Variants in ABCB1 observed in about 807,000 individuals in gnomAD.
ABCB1 encodes ATP-dependent translocase ABCB1.
In ABCB1, 69 loss-of-function variants were observed where a neutral mutation model predicts 142.0. The observed-to-expected ratio is 0.49, with a 90% CI of 0.40 to 0.59. ABCB1 has a LOEUF of 0.59. Among genes scored for constraint, ABCB1 ranks in the 20% least tolerant of loss-of-function variants. ABCB1 has a pLI of 0.00. For missense variants in ABCB1, 1,326 were observed against 1,554.7 expected (o/e 0.85, Z 2.47); for synonymous variants, 532 against 539.2 (o/e 0.99, Z 0.18).
At position 87,626,453 on chromosome 7, in the gene ABCB1, A is replaced by G. The variant is rs575353058; in HGVS notation, c.-330-25375T>C. ...TGTATGTGTCATATATGTGTCATAT[A>G]TATGTGTCATATATGTGTCATATAT... On this transcript the variant is annotated intron_variant, in intron 1 of 28. Transcript: ENST00000265724. 9.9e-3 allele frequency among the ~76,000 whole-genome samples: 176 copies of G among 17,814 alleles called. 51 individuals are homozygous for G. Among genetic ancestry groups the G allele is most frequent in the Non-Finnish European group, 0.011 (138 of 12,984 alleles). 11.7% of individuals were successfully genotyped at this position (17,814 alleles called of 152,430 possible).
intron 4 of ABCB1, among the ~76,000 whole-genome samples, chr7:87,578,807 C>T (rs1400885662): frequency 6.6e-6 from 1 of 151,216 alleles, no homozygotes; most frequent in Non-Finnish European, 1.5e-5. Context: ...CATTCTCCTG[C>T]CTCAGCCTCC....
upstream of ABCB1, among the ~76,000 whole-genome samples, chr7:87,603,643 A>T (rs1358034620): frequency 6.6e-6 from 1 of 152,230 alleles, no homozygotes; most frequent in African/African-American, 2.4e-5. Context: ...GGCTTCTCAG[A>T]TGATATGTGC....
chr7:87,521,534 G>GGTT (rs1184498296), intron 21 of ABCB1: 1 of 757,500 alleles, frequency 1.3e-6, no homozygotes, highest in Non-Finnish European at 2.4e-6. Flanking sequence ...GCTCTACATT[G>GGTT]GTTGACCAAT....
At chr7:87,691,684 T>C (rs1242331094) in intron 1 of ABCB1, among the ~76,000 whole-genome samples, 2 of 152,162 alleles carry the variant, frequency 1.3e-5, no homozygotes, top group Admixed American at 6.6e-5. Flanking sequence ...ATATAAAAAA[T>C]ATTTATATTC....
intron 1 of ABCB1, among the ~76,000 whole-genome samples, chr7:87,707,841 C>T (rs1829747032): frequency 6.6e-6 from 1 of 151,916 alleles, no homozygotes; most frequent in South Asian, 2.1e-4. Context: ...TCTCTAACCA[C>T]AGTGGAATTA....
At chr7:87,520,634 A>G in intron 22 of ABCB1, 142 bp downstream of exon 22, 1 of 751,774 alleles carries the variant, frequency 1.3e-6, no homozygotes, top group Non-Finnish European at 2.3e-6. Context: ...CTCCTGCATA[A>G]TTACAACTGT....
At chr7:87,615,287 G>T (rs942555467) in intron 1 of ABCB1, among the ~76,000 whole-genome samples, 2 of 152,174 alleles carry the variant, frequency 1.3e-5, no homozygotes, top group Non-Finnish European at 2.9e-5. Context: ...TCAATTAATG[G>T]ATAAATAAGG....
intron 3 of ABCB1, among the ~76,000 whole-genome samples, chr7:87,586,563 G>T (rs539341456): frequency 6.6e-6 from 1 of 152,260 alleles, no homozygotes; most frequent in South Asian, 2.1e-4. Flanking sequence ...TGTAGCTGTA[G>T]GCAACAGGTT....
intron 22 of ABCB1, 50 bp downstream of exon 22, chr7:87,520,726 A>T (rs1815463609): frequency 2.7e-6 from 4 of 1,506,852 alleles, no homozygotes; most frequent in Non-Finnish European, 3.7e-6. Context: ...AACAAATATG[A>T]TGATTGAAAA....
At chr7:87,653,698 T>C (rs142998268) in intron 1 of ABCB1, among the ~76,000 whole-genome samples, 1 of 152,220 alleles carries the variant, frequency 6.6e-6, no homozygotes, top group East Asian at 1.9e-4. Flanking sequence ...AATATTAAAA[T>C]ATAGCTATTT....
intron 1 of ABCB1, among the ~76,000 whole-genome samples, chr7:87,704,965 T>C (rs1829457512): frequency 1.3e-5 from 2 of 152,208 alleles, no homozygotes; most frequent in Admixed American, 1.3e-4. Context: ...CCTTGACACA[T>C]GTGAAAAGAT....
rs28381852 is a variant in ABCB1 at position 87,564,913 on chromosome 7, T to C, written c.702+1157A>G. Among the ~76,000 whole-genome samples, 1,134 of 152,340 alleles carry C rather than the reference T, an allele frequency of 7.4e-3. 18 individuals carry two copies. The highest frequency in any genetic ancestry group is 0.026 in the African/African-American group (1,094 of 41,574). On this transcript the variant is annotated intron_variant, in intron 7 of 27. Transcript: ENST00000622132. Reference sequence around the variant, plus strand: ...GTGAAGAGTTTGCCACCTAACTTGCTTAACATTCTAGTATACAGAAAAATC... The same window carrying C: ...GTGAAGAGTTTGCCACCTAACTTGCCTAACATTCTAGTATACAGAAAAATC...
In ABCB1 at chr7:87,559,568, T is replaced by C. The variant is rs373505193; in HGVS notation, c.827+1695A>G. 1.4e-4 allele frequency among the ~76,000 whole-genome samples: 21 copies of C among 152,248 alleles called. No homozygotes were observed. In the East Asian group the frequency reaches 1.7e-3, roughly 13 times the overall value. On this transcript the variant is annotated intron_variant, in intron 8 of 27. Coordinates refer to ENST00000622132, the MANE Select transcript of ABCB1 (RefSeq NM_001348946.2). Reference sequence around the variant, plus strand: ...TTAATTTTTGCTCTTACCCTTATTATTTCCTTCTAATATTTTATTTTTCTT... The same window carrying C: ...TTAATTTTTGCTCTTACCCTTATTACTTCCTTCTAATATTTTATTTTTCTT...
At chr7:87,605,031 T>G (rs1021094766), upstream of ABCB1, among the ~76,000 whole-genome samples, 5 of 152,156 alleles carry the variant, frequency 3.3e-5, no homozygotes, top group Admixed American at 3.3e-4. Context: ...GTGCTGAGAG[T>G]ATGACATCAG....
Position 87,711,067 on chromosome 7 carries a change from C to T in ABCB1, c.-331+2094G>A, listed in dbSNP as rs10274678. 6.6e-3 allele frequency among the ~76,000 whole-genome samples: 999 copies of T among 152,110 alleles called. 11 individuals are homozygous for T. The highest frequency in any genetic ancestry group is 0.023 in the African/African-American group (959 of 41,492). ...ATTGGCCGGGCACGGTGGCTCACAC[C>T]TATAATCCCAGCACTTTGGGAGGCC... On this transcript the variant is annotated intron_variant, in intron 1 of 28. Coordinates refer to the ABCB1 transcript ENST00000265724.
Position 87,516,492 on chromosome 7 carries a change from T to TG in ABCB1, c.3084+16dup. On this transcript the variant is annotated intron_variant, in intron 24 of 27. Transcript: ENST00000622132. ...AGGAGTCAGGAGTAGATCAAACAGTTGAAACATCAAACTCACCGGCATTAG... is the reference window on the plus strand; with the variant it reads ...AGGAGTCAGGAGTAGATCAAACAGTTGGAAACATCAAACTCACCGGCATTAG... The TG allele has an allele frequency of 6.2e-7, 1 of 1,614,146 alleles. No individual in the cohort carries two copies. The highest frequency in any genetic ancestry group is 8.5e-7 in the Non-Finnish European group (1 of 1,179,994).
intron 1 of ABCB1, among the ~76,000 whole-genome samples, chr7:87,626,136 TG>T (rs1563079674): frequency 7.0e-6 from 1 of 142,106 alleles, no homozygotes; most frequent in African/African-American, 2.6e-5. Context: ...GTCATATATA[TG>T]TGTCATATAT....
rs568586251 is a variant in ABCB1, at chr7:87,692,358, A to C, written c.-331+20803T>G. Among the ~76,000 whole-genome samples, 19 of 152,266 alleles carry C rather than the reference A, an allele frequency of 1.2e-4. 1 individual carries two copies. In the South Asian group the frequency reaches 3.5e-3, roughly 28 times the overall value. ...TGTAGTCTTAGCTACTCACAAGGCG[A>C]AGGCAGGAGGATCGCTTGAGTCCAA... On this transcript the variant is annotated intron_variant, in intron 1 of 28. Coordinates refer to the ABCB1 transcript ENST00000265724.
intron 20 of ABCB1, among the ~76,000 whole-genome samples, chr7:87,534,522 T>C (rs1031096716): frequency 3.3e-5 from 5 of 152,146 alleles, no homozygotes; most frequent in African/African-American, 4.8e-5. Flanking sequence ...CATCTACATA[T>C]GGATGTCTAA....
Sources: allele counts gnomAD v4.1 joint callset (sites outside exome capture counted in the v4.1 genomes callset), GRCh38; gene constraint gnomAD v4.1.1; transcripts MANE v1.5; gene names NCBI Gene and HGNC (gene_info 2026-07-23, HGNC 2026-07-21).